PLXNA4: variants seen among roughly 807,000 people sequenced by gnomAD.
PLXNA4 encodes plexin-A4.
PLXNA4 carries 44 observed loss-of-function variants against 191.8 expected under a neutral mutation model. That is an observed-to-expected ratio of 0.23 (90% CI 0.18 to 0.29). The LOEUF (loss-of-function observed/expected upper bound fraction) is 0.29, where lower values mean the gene tolerates loss of function less well. Ranked by LOEUF, PLXNA4 falls within the 10% of genes least tolerant of loss-of-function variation. The probability of loss-of-function intolerance (pLI) is 1.00; values close to 1 mark genes in which losing one functional copy is unlikely to be tolerated. For synonymous variants in PLXNA4, 1,082 were observed against 1,009.5 expected, an observed-to-expected ratio of 1.07 and a Z score of -1.36; for missense variants, 1,800 against 2,488.8, an observed-to-expected ratio of 0.72 and a Z score of 5.89.
chr7:132,492,853 C>T (rs1427361113), intron 2 of PLXNA4, among the ~76,000 whole-genome samples: 6 of 152,180 alleles, frequency 3.9e-5, no homozygotes, highest in Non-Finnish European at 7.3e-5. Flanking sequence ...TAAGATATTT[C>T]ATGTTGATTT....
At chr7:132,446,065 C>G (rs980183869) in intron 3 of PLXNA4, among the ~76,000 whole-genome samples, 3 of 152,144 alleles carry the variant, frequency 2.0e-5, no homozygotes. Context: ...AGGCCCAAGG[C>G]GGGGCAAGAC....
In PLXNA4 at chr7:132,141,509, G is replaced by C. The variant is rs118087798; in HGVS notation, c.5226-698C>G. ...CAGTGATGAATGAGACACATCCTCT[G>C]CTCTCAAGAAGCCTGCATTCTGGTG... On this transcript the variant is annotated intron_variant, in intron 29 of 31. Coordinates refer to ENST00000321063, the MANE Select transcript of PLXNA4 (RefSeq NM_020911.2). 7.3e-3 allele frequency among the ~76,000 whole-genome samples: 1,113 copies of C among 152,242 alleles called. 9 individuals carry two copies. Among genetic ancestry groups the C allele is most frequent in the Non-Finnish European group, 0.011 (758 of 68,016 alleles).
chr7:132,600,391 T>A (rs559958512), intron 2 of PLXNA4, among the ~76,000 whole-genome samples: 25 of 152,204 alleles, frequency 1.6e-4, no homozygotes, highest in Non-Finnish European at 3.5e-4. Context: ...TGGGACAGGG[T>A]CTTACTCTGT....
chr7:132,466,920 C>T (rs1796728629), intron 3 of PLXNA4, among the ~76,000 whole-genome samples: 2 of 152,142 alleles, frequency 1.3e-5, no homozygotes, highest in Non-Finnish European at 2.9e-5. Context: ...GAGGAGACTC[C>T]TGCTGGGGGA....
At chr7:132,397,111 G>A (rs919483009) in intron 3 of PLXNA4, among the ~76,000 whole-genome samples, 1 of 152,328 alleles carries the variant, frequency 6.6e-6, no homozygotes, top group African/African-American at 2.4e-5. Context: ...AGCCTTCTCC[G>A]CATCTCAGCC....
At chr7:132,220,976 C>G (rs530705049) in intron 9 of PLXNA4, among the ~76,000 whole-genome samples, 91 of 151,126 alleles carry the variant, frequency 6.0e-4, no homozygotes, top group African/African-American at 2.2e-3. Context: ...CCATGCCCAG[C>G]TTACTTACTT....
At chr7:132,556,706 C>T (rs1388142728) in intron 1 of PLXNA4, among the ~76,000 whole-genome samples, 1 of 152,214 alleles carries the variant, frequency 6.6e-6, no homozygotes, top group African/African-American at 2.4e-5. Context: ...TCAGAAAATG[C>T]CATGTCAAAG....
intron 1 of PLXNA4, among the ~76,000 whole-genome samples, chr7:132,555,670 G>A (rs565674164): frequency 6.6e-6 from 1 of 152,140 alleles, no homozygotes. Context: ...ACATGCTGAC[G>A]CCACACAGCT....
intron 3 of PLXNA4, among the ~76,000 whole-genome samples, chr7:132,469,673 G>A (rs1476649188): frequency 2.0e-5 from 3 of 152,194 alleles, no homozygotes; most frequent in Non-Finnish European, 4.4e-5. Flanking sequence ...ATATACCTCT[G>A]TGGTTTCTCA....
intron 23 of PLXNA4, 47 bp from the exon 24 acceptor site, chr7:132,164,335 A>C: frequency 6.2e-7 from 1 of 1,603,936 alleles, no homozygotes; most frequent in Non-Finnish European, 8.5e-7. Context: ...GGAACACTGG[A>C]GTGTACCCCC....
At chr7:132,202,233 A>G (rs1255488741) in intron 12 of PLXNA4, among the ~76,000 whole-genome samples, 1 of 151,672 alleles carries the variant, frequency 6.6e-6, no homozygotes, top group Non-Finnish European at 1.5e-5. Context: ...GACCTTCTTC[A>G]CCTCCCCAGA....
At chr7:132,224,132 A>C (rs1562976496) in intron 8 of PLXNA4, among the ~76,000 whole-genome samples, 1 of 151,768 alleles carries the variant, frequency 6.6e-6, no homozygotes, top group Non-Finnish European at 1.5e-5. Context: ...TTTCCCCTTT[A>C]CCCCAGGAAA....
chr7:132,130,678 C>G, intron 31 of PLXNA4, 104 bp from the exon 32 acceptor site: 1 of 1,551,236 alleles, frequency 6.4e-7, no homozygotes, highest in Non-Finnish European at 8.8e-7. Context: ...CCCGGGAAGC[C>G]ACAGGCATGT....
intron 16 of PLXNA4, among the ~76,000 whole-genome samples, chr7:132,184,233 T>C (rs992209036): frequency 2.0e-5 from 3 of 152,208 alleles, no homozygotes; most frequent in African/African-American, 7.2e-5. Flanking sequence ...GGGAGGGGGC[T>C]GAGCCAGGCA....
chr7:132,184,026 A>G (rs529919541), intron 16 of PLXNA4, among the ~76,000 whole-genome samples: 10 of 152,336 alleles, frequency 6.6e-5, no homozygotes, highest in Non-Finnish European at 1.0e-4. Context: ...GCAGGTGGCT[A>G]GCCAGATTCA....
intron 1 of PLXNA4, among the ~76,000 whole-genome samples, chr7:132,534,945 G>A (rs1199386796): frequency 6.6e-6 from 1 of 152,166 alleles, no homozygotes; most frequent in Non-Finnish European, 1.5e-5. Context: ...GATTTACTGT[G>A]TTATTTCACT....
chr7:132,435,219 C>G (rs1409176737), intron 3 of PLXNA4, among the ~76,000 whole-genome samples: 1 of 152,096 alleles, frequency 6.6e-6, no homozygotes, highest in African/African-American at 2.4e-5. Context: ...TCAGTGTCAG[C>G]TGCGGGTCCA....
chr7:132,318,033 G>T lies in PLXNA4; in HGVS notation c.1372-19811C>A, dbSNP rs191361952. ...TGTAATCCATTTTCCCTGAAGACCC[G>T]AGTAACCCGGTCAAAGAAACTCAAT... is the stretch of plus-strand genomic sequence containing the variant. On this transcript the variant is annotated intron_variant, in intron 3 of 31. Transcript: ENST00000321063. Among the ~76,000 whole-genome samples the T allele has an allele frequency of 4.6e-5, 7 of 152,318 alleles. No individual in the cohort carries two copies. In the South Asian group the frequency reaches 1.4e-3, roughly 32 times the overall value.
chr7:132,420,631 G>A (rs534014811), intron 3 of PLXNA4, among the ~76,000 whole-genome samples: 2 of 152,194 alleles, frequency 1.3e-5, no homozygotes, highest in Non-Finnish European at 2.9e-5. Context: ...GAGTTAAGTG[G>A]TGTTAAGAAC....
Sources: gnomAD v4.1 joint callset for allele counts (sites outside exome capture counted in the v4.1 genomes callset) on GRCh38, gnomAD v4.1.1 for gene constraint, MANE v1.5 for transcripts, NCBI Gene and HGNC (gene_info 2026-07-23, HGNC 2026-07-21) for gene names.